The following TCF7L2 variants were observed in gnomAD, a reference collection of about 807,000 sequenced individuals.
TCF7L2 encodes the protein transcription factor 7-like 2.
In TCF7L2, 23 loss-of-function variants were observed where a neutral mutation model predicts 77.9. The observed-to-expected ratio is 0.30, with a 90% CI of 0.21 to 0.42. The LOEUF (loss-of-function observed/expected upper bound fraction) is 0.42, where lower values mean the gene tolerates loss of function less well. Ranked by LOEUF, TCF7L2 falls within the 10% of genes least tolerant of loss-of-function variation. The pLI is 1.00. For missense variants in TCF7L2, 654 were observed against 793.1 expected (o/e 0.82, Z 2.11); for synonymous variants, 413 against 340.2 (o/e 1.21, Z -2.36).
intron 4 of TCF7L2, among the ~76,000 whole-genome samples, chr10:113,000,750 A>C (rs2044317382): frequency 6.6e-6 from 1 of 152,100 alleles, no homozygotes; most frequent in African/African-American, 2.4e-5. Flanking sequence ...TGGGTACATG[A>C]GTGTGAGATA....
chr10:112,954,232 TTTA>T (rs1282306167), intron 3 of TCF7L2, among the ~76,000 whole-genome samples: 2 of 152,330 alleles, frequency 1.3e-5, no homozygotes, highest in Admixed American at 1.3e-4. Flanking sequence ...CGCTGTATGC[TTTA>T]TTATTTTCCC....
chr10:113,150,374 T>C (rs1427532522), intron 8 of TCF7L2, among the ~76,000 whole-genome samples: 2 of 151,984 alleles, frequency 1.3e-5, no homozygotes, highest in Non-Finnish European at 2.9e-5. Context: ...AAAATGTCCA[T>C]GACTTATGAT....
chr10:113,057,393 A>G (rs891664214), intron 5 of TCF7L2, among the ~76,000 whole-genome samples: 5 of 151,994 alleles, frequency 3.3e-5, no homozygotes, highest in African/African-American at 1.2e-4. Flanking sequence ...CTGGTCTCGA[A>G]CTCCTGACCT....
intron 5 of TCF7L2, among the ~76,000 whole-genome samples, chr10:113,091,289 T>C (rs771893786): frequency 2.6e-5 from 4 of 152,266 alleles, no homozygotes; most frequent in Non-Finnish European, 5.9e-5. Flanking sequence ...ATTGGTATTA[T>C]ACCTCATACG....
intron 5 of TCF7L2, among the ~76,000 whole-genome samples, chr10:113,088,959 C>G (rs1233948760): frequency 6.6e-6 from 1 of 151,446 alleles, no homozygotes; most frequent in East Asian, 1.9e-4. Context: ...AAAAAAAGAT[C>G]AGCTCCCCAA....
intron 13 of TCF7L2, among the ~76,000 whole-genome samples, chr10:113,165,046 AACACACACACACTC>A (rs1057266071): frequency 6.0e-5 from 9 of 151,128 alleles, no homozygotes; most frequent in African/African-American, 2.2e-4. Flanking sequence ...TTCTCTTTTA[AACACACACACACTC>A]ACACTCACAC....
chr10:113,113,469 G>A (rs1160739422), intron 5 of TCF7L2, among the ~76,000 whole-genome samples: 3 of 152,144 alleles, frequency 2.0e-5, no homozygotes, highest in Non-Finnish European at 4.4e-5. Flanking sequence ...GAGCTGCCTG[G>A]GCTGGACACA....
In TCF7L2 at chr10:113,144,194, G is replaced by GGT. The variant is rs796880550; in HGVS notation, c.788+172_788+173dup. Among the ~76,000 whole-genome samples the GGT allele has an allele frequency of 3.5e-4, 53 of 151,788 alleles. 1 individual carries two copies. Among genetic ancestry groups the GGT allele is most frequent in the African/African-American group, 1.3e-3 (53 of 41,318 alleles). ...GGGGGCTGCGGGAGGGCACAGAAAA[G>GGT]GTGTTGCTGAGGTGTCCTGTGGGAA... is the stretch of plus-strand genomic sequence containing the variant. On this transcript the variant is annotated intron_variant, in intron 7 of 13. Transcript: ENST00000627217.
chr10:112,979,747 C>A (rs1020835526), intron 4 of TCF7L2, among the ~76,000 whole-genome samples: 3 of 149,428 alleles, frequency 2.0e-5, no homozygotes, highest in African/African-American at 4.9e-5. Flanking sequence ...CGGAGCAAGA[C>A]CCTGTCTCAA....
chr10:112,990,358 C>T (rs2042302650), intron 4 of TCF7L2, among the ~76,000 whole-genome samples: 1 of 152,092 alleles, frequency 6.6e-6, no homozygotes, highest in South Asian at 2.1e-4. Context: ...AGCATACATC[C>T]CCGTCCCGTA....
rs1010124720 is a variant in TCF7L2, at chr10:112,950,930, C to T, written c.174C>T (p.Ser58=). The T allele has an allele frequency of 1.9e-6, 3 of 1,610,864 alleles. No individual in the cohort carries two copies. The African/African-American group carries it at 4.0e-5, about 22-fold the overall frequency. Residue 58 remains serine (S), a synonymous_variant, in exon 1 of 14, where the codon AGC becomes AGT. Coordinates refer to ENST00000627217, the MANE Select transcript of TCF7L2 (RefSeq NM_001146274.2). ...ATGAATCAGAAACGAATCAAAACAG[C>T]TCCTCCGATTCCGAGGTAGGAAAAG...
intron 7 of TCF7L2, 101 bp downstream of exon 7, chr10:113,144,126 G>A (rs1024445571): frequency 2.4e-4 from 204 of 855,642 alleles, no homozygotes; most frequent in Admixed American, 6.0e-4. Context: ...GTGTGTGTGT[G>A]TGTGTGTGTG....
chr10:112,967,892 C>T (rs1382605454), intron 4 of TCF7L2, among the ~76,000 whole-genome samples: 1 of 152,140 alleles, frequency 6.6e-6, no homozygotes, highest in African/African-American at 2.4e-5. Flanking sequence ...GCCTCGGCCT[C>T]CCAAAGTGCT....
rs2070819782 is a variant in TCF7L2 at position 113,151,934 on chromosome 10, C to T, written c.1161+50C>T. 4 of 1,551,314 alleles carry T rather than the reference C, an allele frequency of 2.6e-6. No homozygotes were observed. The highest frequency in any genetic ancestry group is 4.2e-5 in the Admixed American group (2 of 47,574). ...AAGCGGGGGGCGGGTGGTGAGGGAC[C>T]AGAGTGCAGCAGGTCAGGTGGCAGA... On this transcript the variant is annotated intron_variant, in intron 10 of 13. Transcript: ENST00000627217. This position sits in a 1 kb window ranked among gnomAD's most constrained non-coding sequence, Gnocchi z 5.2.
intron 7 of TCF7L2, among the ~76,000 whole-genome samples, chr10:113,145,571 C>T (rs549296151): frequency 7.9e-4 from 120 of 152,142 alleles, no homozygotes; most frequent in Non-Finnish European, 1.5e-3. Flanking sequence ...GTTTTCTCAC[C>T]GAGATCTAAA....
chr10:112,990,952 A>C (rs2042427680), intron 4 of TCF7L2, among the ~76,000 whole-genome samples: 1 of 152,104 alleles, frequency 6.6e-6, no homozygotes, highest in South Asian at 2.1e-4. Flanking sequence ...TTGGTGTTGA[A>C]ATCCCTATTT....
intron 4 of TCF7L2, among the ~76,000 whole-genome samples, chr10:112,975,016 A>G (rs1168895852): frequency 6.8e-6 from 1 of 147,994 alleles, no homozygotes; most frequent in Non-Finnish European, 1.5e-5. Context: ...TTGAAATCTT[A>G]GCATCCACTT....
intron 13 of TCF7L2, among the ~76,000 whole-genome samples, chr10:113,162,407 T>G (rs2073308716): frequency 6.6e-6 from 1 of 152,138 alleles, no homozygotes; most frequent in Non-Finnish European, 1.5e-5. Context: ...ATTCCTAACA[T>G]TGACCCAAAC....
intron 4 of TCF7L2, among the ~76,000 whole-genome samples, chr10:113,004,708 C>T (rs1056924333): frequency 7.2e-5 from 11 of 151,732 alleles, no homozygotes; most frequent in Non-Finnish European, 7.4e-5. Context: ...TGGAGTTTCT[C>T]GTCACCCAGG....
Sources: allele counts gnomAD v4.1 joint callset (sites outside exome capture counted in the v4.1 genomes callset), GRCh38; gene constraint gnomAD v4.1.1; non-coding constraint Gnocchi (gnomAD v3.1); transcripts MANE v1.5; gene names NCBI Gene and HGNC (gene_info 2026-07-23, HGNC 2026-07-21).